The following DOCK5 variants were observed in gnomAD, a reference collection of about 807,000 sequenced individuals.
DOCK5 encodes dedicator of cytokinesis 5.
Under a neutral mutation model 251.8 loss-of-function variants are expected in DOCK5, and 142 were observed. The ratio of observed to expected loss-of-function variants is 0.56; its 90% confidence interval spans 0.49 to 0.65. The LOEUF is 0.65. Among genes scored for constraint, DOCK5 ranks in the 30% least tolerant of loss-of-function variants. The probability of loss-of-function intolerance (pLI) is 0.00; values close to 1 mark genes in which losing one functional copy is unlikely to be tolerated. For missense variants in DOCK5, 2,111 were observed against 2,312.3 expected, an observed-to-expected ratio of 0.91 and a Z score of 1.79; for synonymous variants, 842 against 835.5, an observed-to-expected ratio of 1.01 and a Z score of -0.13.
intron 2 of DOCK5, among the ~76,000 whole-genome samples, chr8:25,265,506 G>A (rs1186121060): frequency 6.6e-6 from 1 of 151,618 alleles, no homozygotes; most frequent in East Asian, 1.9e-4. Context: ...ATCTGTCCTT[G>A]GTCACCGTAT....
At position 25,225,685 on chromosome 8, in the gene DOCK5, G is replaced by A. The variant is rs185015349; in HGVS notation, c.44-17989G>A. 8.7e-5 allele frequency among the ~76,000 whole-genome samples: 13 copies of A among 148,576 alleles called. No individual in the cohort carries two copies. In the East Asian group the frequency reaches 2.2e-3, roughly 25 times the overall value. ...CTCGTCACTGCACTCTGGCCTGGGC[G>A]ACAGAGTGAGACTCAGTCTCAAAAA... On this transcript the variant is annotated intron_variant, in intron 1 of 51. Transcript: ENST00000276440.
intron 45 of DOCK5, among the ~76,000 whole-genome samples, chr8:25,396,113 T>G (rs1801341527): frequency 6.6e-6 from 1 of 152,064 alleles, no homozygotes; most frequent in African/African-American, 2.4e-5. Flanking sequence ...GGTGTAGTGG[T>G]TCACACCTGT....
intron 41 of DOCK5, among the ~76,000 whole-genome samples, chr8:25,389,672 T>A (rs956248827): frequency 5.3e-5 from 8 of 152,162 alleles, no homozygotes; most frequent in Non-Finnish European, 1.0e-4. Context: ...TGTGTGATGT[T>A]GGATTTTAAC....
At chr8:25,295,634 C>G (rs1009890173) in intron 6 of DOCK5, among the ~76,000 whole-genome samples, 1 of 152,116 alleles carries the variant, frequency 6.6e-6, no homozygotes, top group African/African-American at 2.4e-5. Context: ...GAAATCAAGG[C>G]AAGCCCTCAA....
At chr8:25,380,898 CCGAATGCCCAGTGGAGGCAGCACCAT>C (rs1273595650) in intron 39 of DOCK5, among the ~76,000 whole-genome samples, 4 of 151,230 alleles carry the variant, frequency 2.6e-5, no homozygotes, top group African/African-American at 7.3e-5. Context: ...CAGCACCATT[CCGAATGCCCAGTGGAGGCAGCACCAT>C]TCCAAATGCC....
chr8:25,410,434 C>A (rs1801601581), intron 51 of DOCK5, among the ~76,000 whole-genome samples: 1 of 151,760 alleles, frequency 6.6e-6, no homozygotes, highest in East Asian at 1.9e-4. Context: ...GTCCTGGGTA[C>A]CTGTGAAATA....
chr8:25,277,942 T>C (rs1804089804), intron 4 of DOCK5, among the ~76,000 whole-genome samples: 1 of 152,218 alleles, frequency 6.6e-6, no homozygotes, highest in African/African-American at 2.4e-5. Context: ...TTTTTGCTAA[T>C]CATAAAAATG....
chr8:25,346,552 G>A (rs1323616807), intron 26 of DOCK5, among the ~76,000 whole-genome samples: 1 of 145,428 alleles, frequency 6.9e-6, no homozygotes, highest in African/African-American at 2.6e-5. Flanking sequence ...AAGGCCGGGC[G>A]TGGTGGCTCA....
chr8:25,389,083 AC>A lies in DOCK5; in HGVS notation c.4132-6del, dbSNP rs1563227074. 6.2e-7 allele frequency: 1 copy of A among 1,613,384 alleles called. No homozygotes were observed. The highest frequency in any genetic ancestry group is 1.1e-5 in the South Asian group (1 of 91,074). On this transcript the variant is annotated splice_polypyrimidine_tract_variant and splice_region_variant and intron_variant, in intron 40 of 51. Coordinates refer to ENST00000276440, the MANE Select transcript of DOCK5 (RefSeq NM_024940.8). ...GTAATGACTTCCCTTTCTGTGTCTC[AC>A]CTGCAGAATAAAATCTTCATCTATC...
At chr8:25,238,189 T>G (rs1447444254) in intron 1 of DOCK5, among the ~76,000 whole-genome samples, 1 of 152,186 alleles carries the variant, frequency 6.6e-6, no homozygotes, top group East Asian at 1.9e-4. Flanking sequence ...CTCTTCTCTT[T>G]GTTTCTGGGC....
At chr8:25,291,920 G>T in intron 5 of DOCK5, 104 bp from the exon 6 acceptor site, 4 of 1,061,410 alleles carry the variant, frequency 3.8e-6, no homozygotes, top group Non-Finnish European at 5.1e-6. Context: ...CCTCTCATCT[G>T]TCTGACATTC....
chr8:25,251,055 G>A (rs953903521), intron 2 of DOCK5, among the ~76,000 whole-genome samples: 3 of 152,136 alleles, frequency 2.0e-5, no homozygotes, highest in African/African-American at 4.8e-5. Flanking sequence ...TGTGATTAAC[G>A]TCACTCCAGT....
At chr8:25,314,624 CAACCGTCCACCTATCTATCT>C (rs1362212127) in intron 13 of DOCK5, among the ~76,000 whole-genome samples, 1 of 143,592 alleles carries the variant, frequency 7.0e-6, no homozygotes, top group African/African-American at 2.6e-5. Context: ...CCTACCCATC[CAACCGTCCACCTATCTATCT>C]AACCGTCCAC....
intron 28 of DOCK5, among the ~76,000 whole-genome samples, chr8:25,361,053 T>A (rs1800669657): frequency 6.6e-6 from 1 of 152,186 alleles, no homozygotes; most frequent in Non-Finnish European, 1.5e-5. Flanking sequence ...TGCCTCCCAG[T>A]GGCCTTTCAG....
intron 2 of DOCK5, among the ~76,000 whole-genome samples, chr8:25,257,248 C>T (rs1803443652): frequency 6.6e-6 from 1 of 152,150 alleles, no homozygotes; most frequent in Non-Finnish European, 1.5e-5. Flanking sequence ...ATTTTACATC[C>T]CTCTCTATGC....
At chr8:25,392,942 C>T in intron 44 of DOCK5, 60 bp downstream of exon 44, 2 of 1,410,128 alleles carry the variant, frequency 1.4e-6, no homozygotes, top group Non-Finnish European at 2.0e-6. Context: ...ATAATAACAG[C>T]CTTTGTTGAA....
At chr8:25,303,630 C>G (rs1216989302) in intron 10 of DOCK5, among the ~76,000 whole-genome samples, 1 of 152,136 alleles carries the variant, frequency 6.6e-6, no homozygotes, top group Non-Finnish European at 1.5e-5. Context: ...TGGTTCCATA[C>G]TTACTAAAAA....
intron 19 of DOCK5, 32 bp downstream of exon 19, chr8:25,332,380 C>T (rs972820526): frequency 6.6e-7 from 1 of 1,515,776 alleles, no homozygotes; most frequent in Non-Finnish European, 9.2e-7. Flanking sequence ...TAGAAATACA[C>T]ATACCTACAT....
Position 25,302,352 on chromosome 8 carries a change from C to T in DOCK5, c.874C>T (p.Pro292Ser). 1.2e-6 allele frequency: 2 copies of T among 1,613,012 alleles called. No individual in the cohort carries two copies. The highest frequency in any genetic ancestry group is 1.7e-6 in the Non-Finnish European group (2 of 1,179,482). Residue 292 changes from proline (P) to serine (S), a missense_variant, in exon 10 of 52, where the codon CCC becomes TCC. Transcript: ENST00000276440. ...TDLSSMDLIR[P>S]RVSLVCQIVR... ...CCTTAGCAGCATGGACCTCATCCGG[C>T]CCCGCGTCAGCCTTGTGTGCCAGAT...
Sources: allele counts gnomAD v4.1 joint callset (sites outside exome capture counted in the v4.1 genomes callset), GRCh38; gene constraint gnomAD v4.1.1; transcripts MANE v1.5; gene names NCBI Gene and HGNC (gene_info 2026-07-23, HGNC 2026-07-21).